The following SIRT4 variants were observed in gnomAD, a reference collection of about 807,000 sequenced individuals.
The protein encoded by SIRT4 is NAD-dependent protein lipoamidase sirtuin-4, mitochondrial.
SIRT4 carries 23 observed loss-of-function variants against 26.1 expected under a neutral mutation model. The ratio of observed to expected loss-of-function variants is 0.88; its 90% confidence interval spans 0.63 to 1.25. The LOEUF (loss-of-function observed/expected upper bound fraction) is 1.25, where lower values mean the gene tolerates loss of function less well. Ranked by LOEUF, SIRT4 falls within the 50% of genes most tolerant of loss-of-function variation. The pLI, the probability that SIRT4 is intolerant of heterozygous loss-of-function variation, is 0.00. For missense variants in SIRT4, 361 were observed against 405.4 expected, an observed-to-expected ratio of 0.89 and a Z score of 0.94; for synonymous variants, 155 against 158.4, an observed-to-expected ratio of 0.98 and a Z score of 0.16.
At position 120,303,826 on chromosome 12, in the gene SIRT4, C is replaced by A. The variant is rs1872636215; in HGVS notation, c.265C>A (p.Pro89Thr). 2.1e-5 allele frequency: 34 copies of A among 1,614,152 alleles called. No individual in the cohort carries two copies. The highest frequency in any genetic ancestry group is 2.9e-5 in the Non-Finnish European group (34 of 1,180,020). The change falls in exon 2 of 4, where the codon CCC becomes ACC. Residue 89 changes from proline to threonine, a missense_variant. Transcript: ENST00000202967. Reference sequence around the variant, plus strand: ...GCTTTATGCCCGCACTGACCGCAGGCCCATCCAGCATGGTGATTTTGTCCG... The same window carrying A: ...GCTTTATGCCCGCACTGACCGCAGGACCATCCAGCATGGTGATTTTGTCCG... ...VGLYARTDRR[P>T]IQHGDFVRSA... is the part of the protein sequence containing the mutation.
intron 2 of SIRT4, among the ~76,000 whole-genome samples, chr12:120,311,215 C>T (rs1167958085): frequency 6.7e-6 from 1 of 149,284 alleles, no homozygotes; most frequent in Non-Finnish European, 1.5e-5. Flanking sequence ...ATTAGCCGGG[C>T]GTGGTGGTGC....
At chr12:120,305,631 C>G (rs1192401437) in intron 2 of SIRT4, among the ~76,000 whole-genome samples, 4 of 152,040 alleles carry the variant, frequency 2.6e-5, no homozygotes, top group Admixed American at 1.3e-4. Flanking sequence ...GGAATTAATT[C>G]CCTAACATTT....
upstream of SIRT4, among the ~76,000 whole-genome samples, chr12:120,300,609 G>A (rs557827911): frequency 3.3e-4 from 50 of 152,088 alleles, no homozygotes; most frequent in African/African-American, 1.2e-3. Flanking sequence ...ACCACACCCC[G>A]CTAATTTTGT....
At chr12:120,304,675 C>T (rs969535678) in intron 2 of SIRT4, among the ~76,000 whole-genome samples, 4 of 150,826 alleles carry the variant, frequency 2.7e-5, no homozygotes, top group African/African-American at 9.7e-5. Flanking sequence ...GAGGATGGTG[C>T]ACAGTGGCTC....
chr12:120,313,134 T>G lies in SIRT4; in HGVS notation c.*98T>G. On this transcript the variant is annotated 3_prime_UTR_variant, in exon 4 of 4. Coordinates refer to ENST00000202967, the MANE Select transcript of SIRT4 (RefSeq NM_012240.3). Reference sequence around the variant, plus strand: ...TCAAATGACAGATTCCAGTTCCCATTCAACAGAGTAGGGTGCACTGACAAA... The same window carrying G: ...TCAAATGACAGATTCCAGTTCCCATGCAACAGAGTAGGGTGCACTGACAAA... 1 of 1,407,640 alleles carries G rather than the reference T, an allele frequency of 7.1e-7. No individual in the cohort carries two copies. The highest frequency in any genetic ancestry group is 9.9e-7 in the Non-Finnish European group (1 of 1,005,092). The allele number at this position is 1,407,640 out of a possible 1,614,324, so 87.2% of individuals were successfully genotyped here.
intron 2 of SIRT4, among the ~76,000 whole-genome samples, chr12:120,309,403 TTTTTC>T (rs1368181381): frequency 1.1e-3 from 165 of 151,648 alleles, no homozygotes; most frequent in African/African-American, 3.9e-3. Flanking sequence ...CAGGGGCCTT[TTTTTC>T]TTTTCTTTTT....
chr12:120,302,720 CTTTT>C (rs901345647), intron 1 of SIRT4, among the ~76,000 whole-genome samples: 2 of 136,818 alleles, frequency 1.5e-5, no homozygotes, highest in Non-Finnish European at 1.6e-5. Context: ...TTTTCTTTTT[CTTTT>C]TTTTTTTTTT....
At chr12:120,307,110 T>C (rs1465966276) in intron 2 of SIRT4, among the ~76,000 whole-genome samples, 1 of 152,170 alleles carries the variant, frequency 6.6e-6, no homozygotes, top group African/African-American at 2.4e-5. Flanking sequence ...TGCTGAAATA[T>C]TTACTGGGTG....
At chr12:120,292,308 G>T in the SIRT4 span, among the ~76,000 whole-genome samples, 18 of 152,152 alleles carry the variant, frequency 1.2e-4, no homozygotes, top group Middle Eastern at 3.2e-3. Context: ...GACAAAATCT[G>T]AATGGAGAAC....
rs1872946128 is a variant in SIRT4, at chr12:120,311,053, A to T, written c.498-1403A>T. On this transcript the variant is annotated intron_variant, in intron 2 of 3. Coordinates refer to ENST00000202967, the MANE Select transcript of SIRT4 (RefSeq NM_012240.3). ...CCCAGCCTGACCCTGTCTCTTAAAA[A>T]AAAAAAAAAAAAAAAAAAAAATAGG... Among the ~76,000 whole-genome samples, 6 of 145,366 alleles carry T rather than the reference A, an allele frequency of 4.1e-5. No homozygotes were observed. In the South Asian group the frequency reaches 1.3e-3, roughly 32 times the overall value.
rs371621704 is a variant in SIRT4, at chr12:120,313,087, G to C, written c.*51G>C. On this transcript the variant is annotated 3_prime_UTR_variant, in exon 4 of 4. Coordinates refer to ENST00000202967, the MANE Select transcript of SIRT4 (RefSeq NM_012240.3). The stretch of plus-strand genomic sequence containing the variant: ...GAACAGGGACTTTCACTTGAATCTT[G>C]CTGCTAAATGTAAATGCCTTCTCAA... 1.2e-6 allele frequency: 2 copies of C among 1,604,932 alleles called. No individual in the cohort carries two copies. The highest frequency in any genetic ancestry group is 2.7e-5 in the African/African-American group (2 of 74,684).
At chr12:120,293,848 T>A in the SIRT4 span, among the ~76,000 whole-genome samples, 1 of 26,586 alleles carries the variant, frequency 3.8e-5, no homozygotes, top group Non-Finnish European at 5.9e-5. Flanking sequence ...ACTTTGTGAG[T>A]ACTTTATATA....
intron 2 of SIRT4, among the ~76,000 whole-genome samples, chr12:120,309,731 T>G (rs1872887134): frequency 6.7e-6 from 1 of 149,740 alleles, no homozygotes; most frequent in South Asian, 2.1e-4. Context: ...TTTTTTTTTT[T>G]TTGAGATGAA....
upstream of SIRT4, among the ~76,000 whole-genome samples, chr12:120,297,360 A>C (rs1188586623): frequency 1.3e-5 from 2 of 150,442 alleles, no homozygotes; most frequent in Non-Finnish European, 1.5e-5. Flanking sequence ...GAAAAAGACT[A>C]AAGCCCTAAT....
chr12:120,310,873 C>T (rs1421754681), intron 2 of SIRT4, among the ~76,000 whole-genome samples: 1 of 151,120 alleles, frequency 6.6e-6, no homozygotes, highest in African/African-American at 2.4e-5. Flanking sequence ...GTAGCTGGGA[C>T]TACAGGCGCC....
intron 2 of SIRT4, among the ~76,000 whole-genome samples, chr12:120,305,999 G>C (rs1052295229): frequency 9.4e-5 from 14 of 148,940 alleles, no homozygotes; most frequent in Non-Finnish European, 1.9e-4. Context: ...GTGACAGAGC[G>C]AGACTCCGTC....
At chr12:120,304,712 G>A (rs1477836810) in intron 2 of SIRT4, among the ~76,000 whole-genome samples, 1 of 150,928 alleles carries the variant, frequency 6.6e-6, no homozygotes, top group African/African-American at 2.4e-5. Flanking sequence ...CACTTTGGAA[G>A]GCTGAGGCAG....
At chr12:120,303,465 ACT>A (rs2136828068) in intron 1 of SIRT4, 94 bp from the exon 2 acceptor site, 11 of 1,373,458 alleles carry the variant, frequency 8.0e-6, no homozygotes, top group South Asian at 7.2e-5. Flanking sequence ...ACAGAGGGAG[ACT>A]CTGTCTCAAA....
chr12:120,297,229 A>ATACATAC, the SIRT4 span, among the ~76,000 whole-genome samples: 3 of 108,722 alleles, frequency 2.8e-5, no homozygotes, highest in East Asian at 4.9e-4. Flanking sequence ...TCTCAAAATA[A>ATACATAC]ATAAATACAT....
Sources: allele counts gnomAD v4.1 joint callset (sites outside exome capture counted in the v4.1 genomes callset), GRCh38; gene constraint gnomAD v4.1.1; transcripts MANE v1.5; gene names NCBI Gene and HGNC (gene_info 2026-07-23, HGNC 2026-07-21).